ATRN: variants seen among roughly 807,000 people sequenced by gnomAD.
The protein encoded by ATRN is attractin.
Under a neutral mutation model 178.7 loss-of-function variants are expected in ATRN, and 54 were observed. The observed-to-expected ratio is 0.30, with a 90% CI of 0.24 to 0.38. The LOEUF is 0.38. Ranked by LOEUF, ATRN falls within the 10% of genes least tolerant of loss-of-function variation. The pLI is 1.00. For synonymous variants in ATRN, 636 were observed against 663.0 expected (o/e 0.96, Z 0.63); for missense variants, 1,443 against 1,815.1 (o/e 0.79, Z 3.73).
chr20:3,540,361 T>G (rs1401820587), intron 3 of ATRN, 26 bp downstream of exon 3: 1 of 1,407,790 alleles, frequency 7.1e-7, no homozygotes, highest in Non-Finnish European at 9.9e-7. Flanking sequence ...CAAGCCTTCT[T>G]TCATCGTTTG....
Position 3,576,893 on chromosome 20 carries a change from A to C in ATRN, c.2249A>C (p.Asp750Ala), listed in dbSNP as rs1247035167. Residue 750 changes from aspartate (D) to alanine (A), a missense_variant, in exon 14 of 29, where the codon GAT becomes GCT. This residue lies in a region of ATRN where 862 missense variants were observed against 972.1 expected (regional missense o/e 0.89). Coordinates refer to ENST00000262919, the MANE Select transcript of ATRN (RefSeq NM_139321.3). ...SIFRYENCPK[D>A]NPMYYCNKKT... The stretch of plus-strand genomic sequence containing the variant: ...TTTAGGTATGAGAATTGCCCCAAGG[A>C]TAACCCCATGTACTACTGTAACAAG... 7.4e-6 allele frequency: 12 copies of C among 1,614,048 alleles called. No homozygotes were observed. In the Admixed American group the frequency reaches 1.7e-4, roughly 22 times the overall value.
chr20:3,490,921 TAGTG>T (rs2084783937), intron 1 of ATRN: 2 of 1,330,918 alleles, frequency 1.5e-6, no homozygotes, highest in Middle Eastern at 1.9e-4. Flanking sequence ...GTGGACTTCT[TAGTG>T]AGCATCTCTT....
At chr20:3,481,009 T>G (rs1243101458) in intron 1 of ATRN, among the ~76,000 whole-genome samples, 1 of 152,202 alleles carries the variant, frequency 6.6e-6, no homozygotes, top group Non-Finnish European at 1.5e-5. Context: ...GATACTTGTT[T>G]CCCACTTAAA....
At chr20:3,604,457 G>A (rs1412646274) in intron 24 of ATRN, among the ~76,000 whole-genome samples, 195 bp downstream of exon 24, 1 of 152,266 alleles carries the variant, frequency 6.6e-6, no homozygotes, top group African/African-American at 2.4e-5. Context: ...TATCACTCAT[G>A]AAAGACATTT....
intron 25 of ATRN, chr20:3,628,790 G>A (rs1228423522): frequency 1.5e-6 from 1 of 684,398 alleles, no homozygotes; most frequent in Non-Finnish European, 1.8e-6. Flanking sequence ...ACTGCTTCAT[G>A]AGCGAGACTC....
intron 6 of ATRN, among the ~76,000 whole-genome samples, chr20:3,554,770 A>G (rs1425335908): frequency 6.6e-6 from 1 of 152,004 alleles, no homozygotes; most frequent in Non-Finnish European, 1.5e-5. Flanking sequence ...TTTGTTACCC[A>G]ATGGTCCTCT....
chr20:3,539,391 T>C (rs1201925502), intron 2 of ATRN, among the ~76,000 whole-genome samples: 1 of 152,162 alleles, frequency 6.6e-6, no homozygotes, highest in African/African-American at 2.4e-5. Flanking sequence ...TTTATTTTTG[T>C]AAAATATGTG....
intron 3 of ATRN, among the ~76,000 whole-genome samples, chr20:3,541,984 G>A (rs894601391): frequency 4.6e-5 from 7 of 152,154 alleles, no homozygotes; most frequent in African/African-American, 9.7e-5. Context: ...TTGTGCCCTC[G>A]TGTTTTTCTA....
chr20:3,619,527 C>G (rs2086880389), intron 24 of ATRN, among the ~76,000 whole-genome samples: 1 of 152,166 alleles, frequency 6.6e-6, no homozygotes, highest in South Asian at 2.1e-4. Flanking sequence ...TTCATTCATC[C>G]ATTTATTCAA....
At position 3,471,062 on chromosome 20, in the gene ATRN, G is replaced by GGT. The variant is rs1555805319; in HGVS notation, c.-37_-36dup. ...CCAGGCGAAGCGGAGCCGGCCGTGC[G>GGT]GTGTGTGTGTATGTGTTCGCGGGGC... On this transcript the variant is annotated 5_prime_UTR_variant, in exon 1 of 29. Transcript: ENST00000262919. 11 of 1,471,132 alleles carry GGT rather than the reference G, an allele frequency of 7.5e-6. No homozygotes were observed. The highest frequency in any genetic ancestry group is 7.2e-5 in the Admixed American group (3 of 41,710). 91.1% of individuals were successfully genotyped at this position (1,471,132 alleles called of 1,614,324 possible). A position where few individuals can be genotyped will look rare whatever the true frequency, so the allele number is the denominator to read the frequency against.
intron 24 of ATRN, among the ~76,000 whole-genome samples, chr20:3,612,889 C>T (rs1033274231): frequency 6.6e-6 from 1 of 152,132 alleles, no homozygotes; most frequent in Non-Finnish European, 1.5e-5. Context: ...CAGTCTGTGC[C>T]TATAAGCAGG....
intron 6 of ATRN, among the ~76,000 whole-genome samples, chr20:3,556,692 A>C (rs2146214608): frequency 6.6e-6 from 1 of 152,328 alleles, no homozygotes; most frequent in Admixed American, 6.5e-5. Flanking sequence ...AGCTCCCAGA[A>C]GGTGCATTTA....
chr20:3,481,396 G>A (rs1001100775), intron 1 of ATRN, among the ~76,000 whole-genome samples: 4 of 151,966 alleles, frequency 2.6e-5, no homozygotes, highest in Non-Finnish European at 5.9e-5. Flanking sequence ...GCTGAAGTGC[G>A]GTGGTGCAAT....
At chr20:3,624,401 A>C in intron 24 of ATRN, 110 bp from the exon 25 acceptor site, 1 of 1,036,944 alleles carries the variant, frequency 9.6e-7, no homozygotes, top group Non-Finnish European at 1.5e-6. Context: ...AGTTTCCTTA[A>C]CTTCTTTAAA....
chr20:3,512,820 T>C (rs1170455030), intron 1 of ATRN, among the ~76,000 whole-genome samples: 2 of 152,218 alleles, frequency 1.3e-5, no homozygotes, highest in Non-Finnish European at 2.9e-5. Flanking sequence ...TGAGATGATA[T>C]CTCATGGTGG....
At position 3,590,761 on chromosome 20, in the gene ATRN, C is replaced by T. The variant is rs1346521583; in HGVS notation, c.3185-408C>T. On this transcript the variant is annotated intron_variant, in intron 18 of 28. Coordinates refer to ENST00000262919, the MANE Select transcript of ATRN (RefSeq NM_139321.3). ...TAAGAAAGGTGAATATTAATATGAACATAATTGTGCAAATTATGTTCTTCT... is the reference window on the plus strand; with the variant it reads ...TAAGAAAGGTGAATATTAATATGAATATAATTGTGCAAATTATGTTCTTCT... 2.0e-5 allele frequency among the ~76,000 whole-genome samples: 3 copies of T among 151,964 alleles called. No homozygotes were observed. The East Asian group carries it at 5.8e-4, about 29-fold the overall frequency.
At position 3,564,704 on chromosome 20, in the gene ATRN, G is replaced by A. The variant is rs186262374; in HGVS notation, c.1787-644G>A. Among the ~76,000 whole-genome samples, 385 of 152,232 alleles carry A rather than the reference G, an allele frequency of 2.5e-3. 1 individual carries two copies. Among genetic ancestry groups the A allele is most frequent in the Non-Finnish European group, 4.5e-3 (307 of 68,020 alleles). ...TGAGCAAATCAATATAGAAAAGAGT[G>A]GAAAATAATTATGAAACCCATGTTT... On this transcript the variant is annotated intron_variant, in intron 10 of 28. Transcript: ENST00000262919.
At chr20:3,587,781 T>C (rs960461138) in intron 18 of ATRN, among the ~76,000 whole-genome samples, 2 of 152,188 alleles carry the variant, frequency 1.3e-5, no homozygotes, top group African/African-American at 2.4e-5. Flanking sequence ...CCAACTGGTT[T>C]GATAAGGTTT....
Position 3,568,014 on chromosome 20 carries a change from G to A in ATRN, c.1871+2582G>A, listed in dbSNP as rs1411648530. 4.6e-4 allele frequency among the ~76,000 whole-genome samples: 70 copies of A among 152,172 alleles called. 1 individual carries two copies. The highest frequency in any genetic ancestry group is 4.5e-3 in the Admixed American group (69 of 15,266). ...CAAGGTAAAAAATGAAACCTGGCCG[G>A]GCGTAGTGGCTCACGCTTGTAATCC... is the stretch of plus-strand genomic sequence containing the variant. On this transcript the variant is annotated intron_variant, in intron 11 of 28. Coordinates refer to ENST00000262919, the MANE Select transcript of ATRN (RefSeq NM_139321.3).
Sources: allele counts gnomAD v4.1 joint callset (sites outside exome capture counted in the v4.1 genomes callset), GRCh38; gene constraint gnomAD v4.1.1; regional missense constraint gnomAD v4.1.1; transcripts MANE v1.5; gene names NCBI Gene and HGNC (gene_info 2026-07-23, HGNC 2026-07-21).